SGCZ: variants seen among roughly 807,000 people sequenced by gnomAD.
SGCZ encodes the protein sarcoglycan zeta.
A neutral mutation model predicts 41.3 loss-of-function variants in SGCZ; 40 were observed. The ratio of observed to expected loss-of-function variants is 0.97; its 90% CI spans 0.75 to 1.26. The LOEUF (loss-of-function observed/expected upper bound fraction) is 1.26. Ranked by LOEUF, SGCZ falls within the 50% of genes most tolerant of loss-of-function variation. The pLI, the probability that SGCZ is intolerant of heterozygous loss-of-function variation, is 0.00. For synonymous variants in SGCZ, 206 were observed against 137.5 expected, an observed-to-expected ratio of 1.50 and a Z score of -3.49; for missense variants, 552 against 369.8, an observed-to-expected ratio of 1.49 and a Z score of -4.04.
chr8:14,773,175 C>A lies in SGCZ; in HGVS notation c.40-218249G>T, dbSNP rs373941626. On this transcript the variant is annotated intron_variant, in intron 1 of 7. Coordinates refer to ENST00000382080, the MANE Select transcript of SGCZ (RefSeq NM_139167.4). ...GTTTTGATTTGCATTTCTCTGATGG[C>A]CAGGGATGATGAGCATTTTTTCATG... Among the ~76,000 whole-genome samples the A allele has an allele frequency of 4.5e-3, 682 of 152,196 alleles. 1 individual carries two copies. The highest frequency in any genetic ancestry group is 0.01 in the East Asian group (53 of 5,158).
Position 14,526,348 on chromosome 8 carries a change from G to A in SGCZ, c.234+28384C>T, listed in dbSNP as rs1802949563. ...CACTATCGATGTGGCAATAGTCAGA[G>A]TTCTTTTCTATTTGATGACAGCCGT... On this transcript the variant is annotated intron_variant, in intron 2 of 7. Coordinates refer to ENST00000382080, the MANE Select transcript of SGCZ (RefSeq NM_139167.4). Among the ~76,000 whole-genome samples, 3 of 152,086 alleles carry A rather than the reference G, an allele frequency of 2.0e-5. No individual in the cohort carries two copies. The South Asian group carries it at 6.2e-4, about 32-fold the overall frequency.
chr8:14,641,237 C>T (rs1807016595), intron 1 of SGCZ, among the ~76,000 whole-genome samples: 1 of 151,614 alleles, frequency 6.6e-6, no homozygotes, highest in South Asian at 2.1e-4. Context: ...TACAGCTTTA[C>T]TTCAAATCAG....
intron 1 of SGCZ, among the ~76,000 whole-genome samples, chr8:14,955,647 G>A (rs1800768073): frequency 6.6e-6 from 1 of 152,208 alleles, no homozygotes; most frequent in East Asian, 1.9e-4. Context: ...TACTAAAAAG[G>A]TTGATTTTCA....
intron 1 of SGCZ, among the ~76,000 whole-genome samples, chr8:15,139,572 C>A (rs547676097): frequency 6.6e-6 from 1 of 152,172 alleles, no homozygotes; most frequent in African/African-American, 2.4e-5. Flanking sequence ...AAAATGGTTA[C>A]CACAGTGAAG....
chr8:14,378,392 C>T (rs1021234979), intron 2 of SGCZ, among the ~76,000 whole-genome samples: 1 of 152,060 alleles, frequency 6.6e-6, no homozygotes, highest in Non-Finnish European at 1.5e-5. Context: ...GTCTAAAACA[C>T]CAAAAGCAAT....
intron 1 of SGCZ, among the ~76,000 whole-genome samples, chr8:14,556,334 T>C (rs34839608): frequency 0.13 from 19,577 of 151,556 alleles, 1,571 homozygotes; most frequent in South Asian, 0.19. Flanking sequence ...ATAAAAATAA[T>C]ATTAATAAGT....
intron 1 of SGCZ, among the ~76,000 whole-genome samples, chr8:14,955,863 TTATGGTGTC>T (rs1229749657): frequency 2.0e-5 from 3 of 152,242 alleles, no homozygotes; most frequent in African/African-American, 2.4e-5. Flanking sequence ...TTCTCACTTC[TTATGGTGTC>T]TTTTGAATAA....
At chr8:14,266,649 G>A (rs925763868) in intron 3 of SGCZ, among the ~76,000 whole-genome samples, 1 of 152,070 alleles carries the variant, frequency 6.6e-6, no homozygotes, top group African/African-American at 2.4e-5. Flanking sequence ...TGAAGAAATC[G>A]TTAGGGACCT....
chr8:14,943,467 G>A (rs1338767581), intron 1 of SGCZ, among the ~76,000 whole-genome samples: 1 of 152,110 alleles, frequency 6.6e-6, no homozygotes, highest in Non-Finnish European at 1.5e-5. Flanking sequence ...GAGGCTTGCT[G>A]GGCCTCCTCC....
chr8:14,543,139 A>G (rs895090072), intron 2 of SGCZ, among the ~76,000 whole-genome samples: 5 of 152,056 alleles, frequency 3.3e-5, no homozygotes, highest in African/African-American at 9.6e-5. Context: ...TATATATTAC[A>G]TGTATTTTCA....
At position 14,789,321 on chromosome 8, in the gene SGCZ, G is replaced by C. The variant is rs557766310; in HGVS notation, c.40-234395C>G. ...GTCTGCCTCATTCAACCTCATCTGG[G>C]AATATGCACATCAGATAATTACAAC... On this transcript the variant is annotated intron_variant, in intron 1 of 7. Transcript: ENST00000382080. Among the ~76,000 whole-genome samples the C allele has an allele frequency of 4.6e-5, 7 of 152,170 alleles. No individual in the cohort carries two copies. In the East Asian group the frequency reaches 1.4e-3, roughly 29 times the overall value.
chr8:14,594,177 A>AAAAT lies in SGCZ; in HGVS notation c.40-39255_40-39252dup, dbSNP rs147529594. 3.9e-3 allele frequency among the ~76,000 whole-genome samples: 537 copies of AAAAT among 136,200 alleles called. 1 individual carries two copies. The highest frequency in any genetic ancestry group is 5.4e-3 in the East Asian group (25 of 4,612). The allele number at this position is 136,200 out of a possible 152,430, so 89.4% of individuals were successfully genotyped here. A position where few individuals can be genotyped will look rare whatever the true frequency, so the allele number is the denominator to read the frequency against. On this transcript the variant is annotated intron_variant, in intron 1 of 7. Transcript: ENST00000382080. ...GCAACAGAGCAAGACTCCATCTCAA[A>AAAAT]AAATAAATAAATAAATAAATAAATA...
intron 1 of SGCZ, among the ~76,000 whole-genome samples, chr8:14,629,528 G>T (rs80030371): frequency 0.11 from 16,002 of 151,712 alleles, 969 homozygotes; most frequent in African/African-American, 0.18. Flanking sequence ...AAGTGCATAA[G>T]ATATCGGGAA....
intron 2 of SGCZ, among the ~76,000 whole-genome samples, chr8:14,470,636 C>T (rs1484529858): frequency 6.6e-6 from 1 of 151,964 alleles, no homozygotes; most frequent in African/African-American, 2.4e-5. Flanking sequence ...TTTCTGAGCA[C>T]ACAATAAAGA....
intron 2 of SGCZ, among the ~76,000 whole-genome samples, chr8:14,362,075 C>T (rs1803535410): frequency 6.6e-6 from 1 of 152,120 alleles, no homozygotes; most frequent in Admixed American, 6.5e-5. Context: ...CAGAGGGGCA[C>T]CTGCCTGTTT....
chr8:15,170,618 G>C (rs1210834291), intron 1 of SGCZ, among the ~76,000 whole-genome samples: 1 of 152,166 alleles, frequency 6.6e-6, no homozygotes, highest in Non-Finnish European at 1.5e-5. Context: ...TGGAATCCAG[G>C]TGACTGGGTT....
In SGCZ at chr8:14,090,150, T is replaced by C. The variant is rs189127646; in HGVS notation, c.*293A>G. 7.7e-4 allele frequency: 184 copies of C among 238,376 alleles called. No individual in the cohort carries two copies. The highest frequency in any genetic ancestry group is 8.8e-4 in the Non-Finnish European group (109 of 123,754). 14.8% of individuals were successfully genotyped at this position (238,376 alleles called of 1,614,324 possible). On this transcript the variant is annotated 3_prime_UTR_variant, in exon 8 of 8. Coordinates refer to ENST00000382080, the MANE Select transcript of SGCZ (RefSeq NM_139167.4). ...GGTCCTGCAAAAATCTAAAACTGTG[T>C]GCTTCACTTCGCGTAGCAAAGGCAC...
chr8:14,913,597 T>C (rs1331228747), intron 1 of SGCZ, among the ~76,000 whole-genome samples: 1 of 152,140 alleles, frequency 6.6e-6, no homozygotes, highest in African/African-American at 2.4e-5. Flanking sequence ...CGGATTAGTG[T>C]TTCTGACTTT....
At chr8:14,402,103 T>C (rs1223795902) in intron 2 of SGCZ, among the ~76,000 whole-genome samples, 1 of 152,212 alleles carries the variant, frequency 6.6e-6, no homozygotes, top group African/African-American at 2.4e-5. Context: ...GAAGTGTCTG[T>C]TCATGTCCTT....
Sources: allele counts gnomAD v4.1 joint callset (sites outside exome capture counted in the v4.1 genomes callset), GRCh38; gene constraint gnomAD v4.1.1; transcripts MANE v1.5; gene names NCBI Gene and HGNC (gene_info 2026-07-23, HGNC 2026-07-21).